Variants in ADCY7 observed in about 807,000 individuals in gnomAD.
ADCY7 encodes adenylate cyclase type 7.
In ADCY7, 72 loss-of-function variants were observed where a neutral mutation model predicts 120.6. The observed-to-expected ratio is 0.60, with a 90% confidence interval of 0.49 to 0.73. ADCY7 has a LOEUF of 0.73. ADCY7 is among the 30% of genes least tolerant of loss of function. The probability of loss-of-function intolerance (pLI) is 0.00; values close to 1 mark genes in which losing one functional copy is unlikely to be tolerated. For synonymous variants in ADCY7, 661 were observed against 628.0 expected, an observed-to-expected ratio of 1.05 and a Z score of -0.78; for missense variants, 1,227 against 1,486.0, an observed-to-expected ratio of 0.83 and a Z score of 2.87.
At chr16:50,313,865 T>G (rs1596998955) in intron 22 of ADCY7, 93 bp from the exon 23 acceptor site, 32 of 1,000,340 alleles carry the variant, frequency 3.2e-5, no homozygotes, top group Admixed American at 8.3e-5. Context: ...CGGCGATGGG[T>G]GGAGGGAACC....
At chr16:50,296,473 C>T (rs1052284944) in intron 7 of ADCY7, among the ~76,000 whole-genome samples, 1 of 151,950 alleles carries the variant, frequency 6.6e-6, no homozygotes, top group Non-Finnish European at 1.5e-5. Context: ...CATTCTGCCT[C>T]ACCCTCCTGA....
chr16:50,254,818 C>G (rs2032862307), intron 1 of ADCY7, among the ~76,000 whole-genome samples: 1 of 150,278 alleles, frequency 6.7e-6, no homozygotes, highest in South Asian at 2.1e-4. Flanking sequence ...CCCACCCCCA[C>G]CCCCTGCCAA....
chr16:50,312,874 G>A lies in ADCY7; in HGVS notation c.2605-16G>A. ...AAGAGGTGAAGTGGTGTAAGGTCCG[G>A]TTTCTTCCCATCCAGGACTGGTACC... On this transcript the variant is annotated splice_polypyrimidine_tract_variant and intron_variant, in intron 21 of 25. Transcript: ENST00000673801. 1.2e-6 allele frequency: 2 copies of A among 1,611,852 alleles called. No individual in the cohort carries two copies. The highest frequency in any genetic ancestry group is 1.7e-6 in the Non-Finnish European group (2 of 1,178,722).
At chr16:50,307,363 C>T (rs1319617643) in intron 15 of ADCY7, among the ~76,000 whole-genome samples, 3 of 150,628 alleles carry the variant, frequency 2.0e-5, no homozygotes, top group Admixed American at 6.7e-5. Flanking sequence ...TACTCCCTAA[C>T]GTCTCTCTCC....
At chr16:50,272,432 T>C (rs1206105574) in intron 1 of ADCY7, among the ~76,000 whole-genome samples, 1 of 152,184 alleles carries the variant, frequency 6.6e-6, no homozygotes. Context: ...CTGACTGAGA[T>C]CATTGCTTCC....
chr16:50,254,313 C>T (rs1465203682), intron 1 of ADCY7, among the ~76,000 whole-genome samples: 3 of 152,228 alleles, frequency 2.0e-5, no homozygotes, highest in Non-Finnish European at 4.4e-5. Flanking sequence ...CTCCCACACA[C>T]AGCCCCCTCC....
At chr16:50,267,596 G>C (rs1461457201) in intron 1 of ADCY7, among the ~76,000 whole-genome samples, 1 of 152,226 alleles carries the variant, frequency 6.6e-6, no homozygotes, top group Non-Finnish European at 1.5e-5. Context: ...GATGGAGGCT[G>C]TGAGGGGTGG....
chr16:50,254,564 C>G (rs552747289), intron 1 of ADCY7, among the ~76,000 whole-genome samples: 1 of 152,124 alleles, frequency 6.6e-6, no homozygotes, highest in African/African-American at 2.4e-5. Flanking sequence ...ATAAATTCAA[C>G]GGAGAAGGTG....
Position 50,314,051 on chromosome 16 carries a change from C to G in ADCY7, c.2845C>G (p.His949Asp). Reference protein sequence around the residue: ...AAAGLSVASGHENQELERQHA... With the variant: ...AAAGLSVASGDENQELERQHA... ...TGCAGGGCTCAGCGTCGCCTCAGGG[C>G]ACGAGAACCAGGTACTCAAGCCCAA... is the stretch of plus-strand genomic sequence containing the variant. Residue 949 changes from histidine to aspartate, a missense_variant, in exon 23 of 26, where the codon CAC becomes GAC. By Grantham distance (81) the His-to-Asp change is moderately conservative. Around this residue, in one of 5 missense-constraint regions of ADCY7, gnomAD observed 244 missense variants for 332.8 expected, o/e 0.73. Transcript: ENST00000673801. 6.2e-7 allele frequency: 1 copy of G among 1,613,834 alleles called. No individual in the cohort carries two copies. The highest frequency in any genetic ancestry group is 8.5e-7 in the Non-Finnish European group (1 of 1,179,754).
chr16:50,312,673 T>C (rs1227280444), intron 21 of ADCY7, among the ~76,000 whole-genome samples: 1 of 152,178 alleles, frequency 6.6e-6, no homozygotes. Context: ...GGTGCTTCTG[T>C]GAGCAAAAAC....
chr16:50,285,958 C>T (rs1472372248), intron 1 of ADCY7, among the ~76,000 whole-genome samples: 1 of 152,072 alleles, frequency 6.6e-6, no homozygotes, highest in Non-Finnish European at 1.5e-5. Context: ...AGAAGGAACC[C>T]ATATGGGCTG....
In ADCY7 at chr16:50,293,445, G is replaced by A. The variant is rs201627898; in HGVS notation, c.779G>A (p.Arg260His). Residue 260 changes from arginine to histidine, a missense_variant, in exon 6 of 26, where the codon CGC becomes CAC. Physicochemically the swap from Arg to His is conservative, Grantham distance 29. Coordinates refer to ENST00000673801, the MANE Select transcript of ADCY7 (RefSeq NM_001114.5). Reference protein sequence around the residue: ...IERLKEHGDRRCMPDNNFHSL... With the variant: ...IERLKEHGDRHCMPDNNFHSL... The stretch of plus-strand genomic sequence containing the variant: ...CGGCTCAAGGAGCATGGTGACCGTC[G>A]CTGCATGCCTGACAACAACTTCCAC... 1.2e-5 allele frequency: 20 copies of A among 1,614,016 alleles called. No homozygotes were observed. Among genetic ancestry groups the A allele is most frequent in the Middle Eastern group, 3.3e-4 (2 of 6,060 alleles).
At position 50,317,240 on chromosome 16, in the gene ADCY7, ATT is replaced by A. The variant is rs1170540951; in HGVS notation, c.*1737_*1738del. 2.0e-5 allele frequency: 3 copies of A among 151,016 alleles called. No homozygotes were observed. The highest frequency in any genetic ancestry group is 7.5e-5 in the African/African-American group (3 of 39,754). The allele number at this position is 151,016 out of a possible 1,614,324, so 9.4% of individuals were successfully genotyped here. ...ATAGAAGAACTTGCTGTATAAAGGA[ATT>A]TCATGGCAACAATGCTGGTAAGGGC... On this transcript the variant is annotated 3_prime_UTR_variant, in exon 26 of 26. Transcript: ENST00000673801.
At chr16:50,300,341 G>C (rs1162196903) in intron 8 of ADCY7, among the ~76,000 whole-genome samples, 1 of 149,818 alleles carries the variant, frequency 6.7e-6, no homozygotes, top group Non-Finnish European at 1.5e-5. Context: ...CACAGTGCTG[G>C]GATTACAGGC....
In ADCY7 at chr16:50,304,370, C is replaced by A; in HGVS notation, c.1379C>A (p.Pro460Gln). ...YLVIDPRSQQPPPPSQHLPRP... is the reference protein window; with the variant it reads ...YLVIDPRSQQQPPPSQHLPRP... ...CATGTCTGCCCGCAGAGCCAGCAGC[C>A]ACCCCCGCCCAGCCAACACCTCCCC... The change falls in exon 11 of 26, where the codon CCA becomes CAA. Residue 460 changes from proline (P) to glutamine (Q), a missense_variant. Transcript: ENST00000673801. 6.6e-7 allele frequency: 1 copy of A among 1,524,608 alleles called. No individual in the cohort carries two copies. The highest frequency in any genetic ancestry group is 1.3e-5 in the South Asian group (1 of 78,938). 94.4% of individuals were successfully genotyped at this position (1,524,608 alleles called of 1,614,324 possible). A position where few individuals can be genotyped will look rare whatever the true frequency, so the allele number is the denominator to read the frequency against.
chr16:50,309,434 C>A, intron 17 of ADCY7, 114 bp from the exon 18 acceptor site: 1 of 821,826 alleles, frequency 1.2e-6, no homozygotes, highest in South Asian at 1.7e-5. Context: ...CTGATCCCAA[C>A]GTGAAACCTC....
intron 21 of ADCY7, among the ~76,000 whole-genome samples, chr16:50,312,658 C>T (rs2036552338): frequency 6.6e-6 from 1 of 152,200 alleles, no homozygotes; most frequent in Admixed American, 6.5e-5. Context: ...CATGGAAACA[C>T]CCATGGTGCT....
chr16:50,309,185 G>C, intron 17 of ADCY7: 1 of 315,168 alleles, frequency 3.2e-6, no homozygotes, highest in Non-Finnish European at 5.9e-6. Flanking sequence ...CCCAGACCCC[G>C]CATCCTGGGC....
Position 50,318,114 on chromosome 16 carries a change from T to C in ADCY7, c.*2609T>C, listed in dbSNP as rs2036899478. The C allele has an allele frequency of 6.6e-6, 1 of 152,310 alleles. No homozygotes were observed. Among genetic ancestry groups the C allele is most frequent in the Non-Finnish European group, 1.5e-5 (1 of 68,034 alleles). The allele number at this position is 152,310 out of a possible 1,614,324, so 9.4% of individuals were successfully genotyped here. Reference sequence around the variant, plus strand: ...GTTTAGCTGCTTTTTATACATTAAATTAGCAATTTGAAAAACTCAAATATC... The same window carrying C: ...GTTTAGCTGCTTTTTATACATTAAACTAGCAATTTGAAAAACTCAAATATC... On this transcript the variant is annotated 3_prime_UTR_variant, in exon 26 of 26. Transcript: ENST00000673801.
Sources: allele counts gnomAD v4.1 joint callset (sites outside exome capture counted in the v4.1 genomes callset), GRCh38; gene constraint gnomAD v4.1.1; regional missense constraint gnomAD v4.1.1; transcripts MANE v1.5; gene names NCBI Gene and HGNC (gene_info 2026-07-23, HGNC 2026-07-21).